The following PAFAH1B3 variants were observed in gnomAD, a reference collection of about 807,000 sequenced individuals.
PAFAH1B3 encodes the protein platelet-activating factor acetylhydrolase IB subunit alpha1.
Under a neutral mutation model 24.4 loss-of-function variants are expected in PAFAH1B3, and 15 were observed. The observed-to-expected ratio is 0.62, with a 90% CI of 0.41 to 0.95. The LOEUF (loss-of-function observed/expected upper bound fraction) is 0.95. Ranked by LOEUF, PAFAH1B3 falls within the 40% of genes least tolerant of loss-of-function variation. The probability of loss-of-function intolerance (pLI) is 0.00; values close to 1 mark genes in which losing one functional copy is unlikely to be tolerated. For synonymous variants in PAFAH1B3, 144 were observed against 126.5 expected (o/e 1.14, Z -0.93); for missense variants, 266 against 312.2 (o/e 0.85, Z 1.12).
At chr19:42,301,399 AAACCAACC>A (rs376967727) in intron 2 of PAFAH1B3, among the ~76,000 whole-genome samples, 6 of 152,080 alleles carry the variant, frequency 3.9e-5, no homozygotes, top group Admixed American at 1.3e-4. Flanking sequence ...CCTGTCTCAA[AAACCAACC>A]AACCAACCAA....
intron 4 of PAFAH1B3, among the ~76,000 whole-genome samples, chr19:42,298,497 A>G (rs2038571030): frequency 6.6e-6 from 1 of 152,186 alleles, no homozygotes; most frequent in Non-Finnish European, 1.5e-5. Flanking sequence ...CCCAAAATAA[A>G]TAAATAAATA....
intron 3 of PAFAH1B3, 29 bp from the exon 4 acceptor site, chr19:42,300,121 T>C: frequency 6.2e-7 from 1 of 1,613,808 alleles, no homozygotes; most frequent in Non-Finnish European, 8.5e-7. Flanking sequence ...GAAGCAGCGG[T>C]GAGGGGGCAG....
chr19:42,299,626 C>G (rs1463679007), intron 4 of PAFAH1B3, among the ~76,000 whole-genome samples: 2 of 151,928 alleles, frequency 1.3e-5, no homozygotes, highest in African/African-American at 4.8e-5. Flanking sequence ...AATGGGGTTT[C>G]ACCGTGTTAG....
chr19:42,300,928 C>A (rs2038613977), intron 2 of PAFAH1B3, among the ~76,000 whole-genome samples: 1 of 152,236 alleles, frequency 6.6e-6, no homozygotes, highest in African/African-American at 2.4e-5. Flanking sequence ...GATTCTCCTG[C>A]CTCAGCCTGC....
Position 42,302,054 on chromosome 19 carries a change from G to C in PAFAH1B3, c.79-15C>G, listed in dbSNP as rs1172277443. The C allele has an allele frequency of 9.0e-6, 14 of 1,559,900 alleles. No homozygotes were observed. In the South Asian group the frequency reaches 1.7e-4, roughly 18 times the overall value. ...AACCGATGGTGCTGCGGGAGCGCGCGAGAGGGAGTCAATGGCATGCACGCT... is the reference window on the plus strand; with the variant it reads ...AACCGATGGTGCTGCGGGAGCGCGCCAGAGGGAGTCAATGGCATGCACGCT... On this transcript the variant is annotated splice_polypyrimidine_tract_variant and intron_variant, in intron 1 of 4. Coordinates refer to ENST00000262890, the MANE Select transcript of PAFAH1B3 (RefSeq NM_002573.4).
At chr19:42,300,400 A>G (rs1396419500) in intron 2 of PAFAH1B3, 113 bp from the exon 3 acceptor site, 1 of 881,174 alleles carries the variant, frequency 1.1e-6, no homozygotes, top group Non-Finnish European at 1.8e-6. Flanking sequence ...GAAGAACCTT[A>G]CTTCATGGAA....
chr19:42,299,110 C>T (rs1457492046), intron 4 of PAFAH1B3, among the ~76,000 whole-genome samples: 3 of 148,834 alleles, frequency 2.0e-5, no homozygotes, highest in Admixed American at 6.7e-5. Flanking sequence ...CGTGAGCCAC[C>T]GCACCCGGCT....
intron 1 of PAFAH1B3, 59 bp from the exon 2 acceptor site, chr19:42,302,098 T>C (rs1384430459): frequency 6.6e-6 from 10 of 1,518,540 alleles, no homozygotes; most frequent in Admixed American, 3.9e-5. Context: ...CGCCCCGCCC[T>C]GCTCCCTTAG....
intron 2 of PAFAH1B3, among the ~76,000 whole-genome samples, chr19:42,301,207 G>A (rs931286668): frequency 6.6e-6 from 1 of 152,032 alleles, no homozygotes; most frequent in African/African-American, 2.4e-5. Flanking sequence ...ACCAACCTGC[G>A]CAACAGGGCA....
At chr19:42,302,185 C>G in intron 1 of PAFAH1B3, 47 bp downstream of exon 1, 1 of 1,524,824 alleles carries the variant, frequency 6.6e-7, no homozygotes, top group Non-Finnish European at 8.9e-7. Context: ...TCCTGAGCCA[C>G]CCCCCGCGCC....
intron 4 of PAFAH1B3, among the ~76,000 whole-genome samples, chr19:42,298,607 G>A (rs2038572445): frequency 6.6e-6 from 1 of 152,212 alleles, no homozygotes; most frequent in Non-Finnish European, 1.5e-5. Flanking sequence ...ATTTACCCCA[G>A]GAATGCCTGA....
At chr19:42,299,409 G>A (rs1413588778) in intron 4 of PAFAH1B3, among the ~76,000 whole-genome samples, 1 of 151,244 alleles carries the variant, frequency 6.6e-6, no homozygotes, top group Non-Finnish European at 1.5e-5. Flanking sequence ...GAGCCACTGC[G>A]CCCAGCCCAT....
At chr19:42,298,692 G>A (rs2038573599) in intron 4 of PAFAH1B3, among the ~76,000 whole-genome samples, 1 of 152,116 alleles carries the variant, frequency 6.6e-6, no homozygotes, top group Admixed American at 6.5e-5. Context: ...CTGTCACCCG[G>A]GCGAGAGTGC....
In PAFAH1B3 at chr19:42,297,283, G is replaced by C. The variant is rs1478146062; in HGVS notation, c.491C>G (p.Ala164Gly). The C allele has an allele frequency of 6.2e-7, 1 of 1,614,030 alleles. No homozygotes were observed. Among genetic ancestry groups the C allele is most frequent in the African/African-American group, 1.3e-5 (1 of 74,936 alleles). Residue 164 changes from alanine to glycine, a missense_variant, in exon 5 of 5, where the codon GCT becomes GGT. Transcript: ENST00000262890. ...QVNELVRAAL[A>G]GHPRAHFLDA... ...TAGGAAGTGGGCCCGAGGGTGGCCA[G>C]CCAGTGCCGCCCGTACCAGCTCGTT...
At chr19:42,299,103 G>A (rs1475176330) in intron 4 of PAFAH1B3, among the ~76,000 whole-genome samples, 2 of 147,516 alleles carry the variant, frequency 1.4e-5, no homozygotes, top group Non-Finnish European at 3.0e-5. Flanking sequence ...TTACAGGCGT[G>A]AGCCACCGCA....
chr19:42,297,824 C>T (rs920997152), intron 4 of PAFAH1B3, among the ~76,000 whole-genome samples: 21 of 152,066 alleles, frequency 1.4e-4, no homozygotes, highest in Non-Finnish European at 2.2e-4. Flanking sequence ...CCGCCCGCCT[C>T]GGCCTCCCAA....
intron 4 of PAFAH1B3, among the ~76,000 whole-genome samples, 156 bp from the exon 5 acceptor site, chr19:42,297,521 A>T (rs573604770): frequency 6.6e-5 from 10 of 151,326 alleles, no homozygotes; most frequent in Admixed American, 6.6e-4. Context: ...CCTAAATATC[A>T]CATCCTAGCC....
chr19:42,297,871 C>G (rs1274202110), intron 4 of PAFAH1B3, among the ~76,000 whole-genome samples: 1 of 152,014 alleles, frequency 6.6e-6, no homozygotes, highest in Non-Finnish European at 1.5e-5. Flanking sequence ...CCATGCGCGG[C>G]CTAGCCTCTT....
intron 4 of PAFAH1B3, among the ~76,000 whole-genome samples, chr19:42,299,101 G>T (rs1347385636): frequency 6.7e-6 from 1 of 149,154 alleles, no homozygotes; most frequent in Non-Finnish European, 1.5e-5. Context: ...GTTTACAGGC[G>T]TGAGCCACCG....
Sources: allele counts gnomAD v4.1 joint callset (sites outside exome capture counted in the v4.1 genomes callset), GRCh38; gene constraint gnomAD v4.1.1; transcripts MANE v1.5; gene names NCBI Gene and HGNC (gene_info 2026-07-23, HGNC 2026-07-21).